Variants in KEAP1 observed in about 807,000 individuals in gnomAD.
KEAP1 encodes kelch like ECH associated protein 1.
Under a neutral mutation model 59.7 loss-of-function variants are expected in KEAP1, and 26 were observed. That is an observed-to-expected ratio of 0.44 (90% CI 0.32 to 0.60). KEAP1 has a LOEUF of 0.60. Among genes scored for constraint, KEAP1 ranks in the 20% least tolerant of loss-of-function variants. The pLI is 0.06. For synonymous variants in KEAP1, 350 were observed against 358.3 expected (o/e 0.98, Z 0.26); for missense variants, 539 against 871.4 (o/e 0.62, Z 4.80).
chr19:10,494,327 C>CTTTTTTT (rs1195911183), intron 2 of KEAP1, among the ~76,000 whole-genome samples: 6 of 110,400 alleles, frequency 5.4e-5, no homozygotes, highest in Admixed American at 9.6e-5. Context: ...CCTGGCTTGG[C>CTTTTTTT]TTTTTTTTTT....
intron 2 of KEAP1, among the ~76,000 whole-genome samples, chr19:10,497,959 G>A (rs575770494): frequency 1.3e-5 from 2 of 152,068 alleles, no homozygotes; most frequent in Admixed American, 1.3e-4. Flanking sequence ...GGAGTGCAAT[G>A]GCGCAATCTC....
In KEAP1 at chr19:10,491,380, T is replaced by C. The variant is rs1914660965; in HGVS notation, c.1325+197A>G. 6.6e-6 allele frequency among the ~76,000 whole-genome samples: 1 copy of C among 152,146 alleles called. No homozygotes were observed. The highest frequency in any genetic ancestry group is 6.6e-5 in the Admixed American group (1 of 15,258). On this transcript the variant is annotated intron_variant, in intron 3 of 5. Transcript: ENST00000171111. This position sits in a 1 kb window ranked among gnomAD's most constrained non-coding sequence, Gnocchi z 5.2. ...ACCATATGGGTTTGTGACAGTCCCC[T>C]AAGCATTTCCCAGCCCCAGGCACAG...
chr19:10,489,547 T>C, intron 4 of KEAP1, 101 bp downstream of exon 4: 2 of 1,380,830 alleles, frequency 1.4e-6, no homozygotes, highest in Non-Finnish European at 2.0e-6. Flanking sequence ...TACCCCAGCA[T>C]GAGGGTTGCA....
At chr19:10,490,217 A>C in intron 3 of KEAP1, 1 of 202,958 alleles carries the variant, frequency 4.9e-6, no homozygotes, top group Non-Finnish European at 9.9e-6. Flanking sequence ...ATGCCACTGC[A>C]CTCCAACCTG....
chr19:10,500,851 T>G (rs1190469556), intron 1 of KEAP1, among the ~76,000 whole-genome samples: 2 of 152,076 alleles, frequency 1.3e-5, no homozygotes, highest in African/African-American at 4.8e-5. Flanking sequence ...GGCTAGTTTT[T>G]GTATTTTTAG....
At chr19:10,489,490 G>C in intron 4 of KEAP1, 122 bp from the exon 5 acceptor site, 1 of 1,265,324 alleles carries the variant, frequency 7.9e-7, no homozygotes, top group African/African-American at 1.5e-5. Flanking sequence ...AATGAAGCGG[G>C]GAGAGAGAGA....
At position 10,491,918 on chromosome 19, in the gene KEAP1, G is replaced by A. The variant is rs1914688152; in HGVS notation, c.984C>T (p.Ile328=). The A allele has an allele frequency of 6.2e-7, 1 of 1,613,610 alleles. No homozygotes were observed. Among genetic ancestry groups the A allele is most frequent in the Non-Finnish European group, 8.5e-7 (1 of 1,179,878 alleles). The change falls in exon 3 of 6, where the codon ATC becomes ATT. Residue 328 remains isoleucine, a synonymous_variant. Transcript: ENST00000171111. The surrounding 1 kb of genome is among the most constrained non-coding windows in gnomAD (Gnocchi z 5.2). ...GTCGGAAGTAGCCGCCCGCGGTGTA[G>A]ATCAGGCGGCCCACCTTGGGCGCCC... ...PCRAPKVGRL[I]YTAGGYFRQS...
chr19:10,496,494 C>CCG lies in KEAP1; in HGVS notation c.639+2900_639+2901insCG, dbSNP rs1555740666. On this transcript the variant is annotated intron_variant, in intron 2 of 5. Coordinates refer to ENST00000171111, the MANE Select transcript of KEAP1 (RefSeq NM_203500.2). ...CTGATGACAGAGTGAGACTCTGTCC[C>CCG]CCACCCCCAAAAAAAAAAAAAAGGG... Among the ~76,000 whole-genome samples the CCG allele has an allele frequency of 5.2e-3, 659 of 127,628 alleles. 11 individuals carry two copies. Among genetic ancestry groups the CCG allele is most frequent in the East Asian group, 0.02 (102 of 5,062 alleles). 83.7% of individuals were successfully genotyped at this position (127,628 alleles called of 152,430 possible). A position where few individuals can be genotyped will look rare whatever the true frequency, so the allele number is the denominator to read the frequency against.
intron 4 of KEAP1, 134 bp downstream of exon 4, chr19:10,489,514 T>C: frequency 8.0e-7 from 1 of 1,252,188 alleles, no homozygotes; most frequent in Non-Finnish European, 1.1e-6. Context: ...TTGGACTCTA[T>C]CAGAATCCAG....
chr19:10,492,056 C>T lies in KEAP1; in HGVS notation c.846G>A (p.Gln282=), dbSNP rs996259514. Reference sequence around the variant, plus strand: ...GGATCTCGCACTTCTGCAGCTGCATCTGCAGGAAGTTCGGCGTCAACGAGT... The same window carrying T: ...GGATCTCGCACTTCTGCAGCTGCATTTGCAGGAAGTTCGGCGTCAACGAGT... ...RCHSLTPNFL[Q]MQLQKCEILQ... Residue 282 remains glutamine (Q), a synonymous_variant, in exon 3 of 6, where the codon CAG becomes CAA. Transcript: ENST00000171111. 1 of 1,614,086 alleles carries T rather than the reference C, an allele frequency of 6.2e-7. No individual in the cohort carries two copies.
intron 2 of KEAP1, among the ~76,000 whole-genome samples, chr19:10,497,000 T>TTG (rs1256778019): frequency 6.6e-6 from 1 of 151,724 alleles, no homozygotes; most frequent in Non-Finnish European, 1.5e-5. Flanking sequence ...GGTAGGCACC[T>TTG]GTAATCCCAG....
chr19:10,491,572 C>T lies in KEAP1; in HGVS notation c.1325+5G>A, dbSNP rs1914668642. On this transcript the variant is annotated splice_donor_5th_base_variant and intron_variant, in intron 3 of 5. Transcript: ENST00000171111. The surrounding 1 kb of genome is among the most constrained non-coding windows in gnomAD (Gnocchi z 5.2). ...CCGAGCCCACCCCCAGGCCCTGCCA[C>T]TCACCTCTCCACACTGTTGTGGTGG... is the stretch of plus-strand genomic sequence containing the variant. The T allele has an allele frequency of 1.3e-6, 2 of 1,510,054 alleles. No homozygotes were observed. Among genetic ancestry groups the T allele is most frequent in the Non-Finnish European group, 1.8e-6 (2 of 1,129,486 alleles). 93.5% of individuals were successfully genotyped at this position (1,510,054 alleles called of 1,614,324 possible).
rs1599493764 is a variant in KEAP1, at chr19:10,502,586, A to G, written c.-48+655T>C. The G allele has an allele frequency of 6.6e-6, 1 of 151,892 alleles. No individual in the cohort carries two copies. Among genetic ancestry groups the G allele is most frequent in the East Asian group, 2.0e-4 (1 of 5,124 alleles). The allele number at this position is 151,892 out of a possible 1,614,324, so 9.4% of individuals were successfully genotyped here. On this transcript the variant is annotated intron_variant, in intron 1 of 5. Coordinates refer to ENST00000171111, the MANE Select transcript of KEAP1 (RefSeq NM_203500.2). This position sits in a 1 kb window ranked among gnomAD's most constrained non-coding sequence, Gnocchi z 4.0. ...CTGGCCCTCCGAGTCCTGGCGGGGA[A>G]CTCGGAGGCGCCCTGGGCCGTGGCG... is the stretch of plus-strand genomic sequence containing the variant.
Position 10,486,810 on chromosome 19 carries a change from C to A in KEAP1, c.1717G>T (p.Asp573Tyr), listed in dbSNP as rs2144578907. 6.2e-7 allele frequency: 1 copy of A among 1,613,098 alleles called. No homozygotes were observed. The highest frequency in any genetic ancestry group is 8.5e-7 in the Non-Finnish European group (1 of 1,179,440). ...QGRIYVLGGY[D>Y]GHTFLDSVEC... ...ACACTGTCCAGGAACGTGTGACCAT[C>A]ATAGCCTCCTGCGGGAAGAACAGAA... The change falls in exon 6 of 6, where the codon GAT (aspartate) becomes TAT (tyrosine). Residue 573 changes from aspartate (D) to tyrosine (Y), a missense_variant. This residue lies in a region of KEAP1 where 311 missense variants were observed against 425.2 expected (regional missense o/e 0.73). Transcript: ENST00000171111.
chr19:10,494,897 G>A (rs1324354929), intron 2 of KEAP1, among the ~76,000 whole-genome samples: 1 of 150,540 alleles, frequency 6.6e-6, no homozygotes, highest in Non-Finnish European at 1.5e-5. Context: ...CTCGTGATCC[G>A]CCTGCCTCAG....
At position 10,489,221 on chromosome 19, in the gene KEAP1, G is replaced by C. The variant is rs371763603; in HGVS notation, c.1679C>G (p.Thr560Ser). 2 of 1,612,184 alleles carry C rather than the reference G, an allele frequency of 1.2e-6. No individual in the cohort carries two copies. Among genetic ancestry groups the C allele is most frequent in the Non-Finnish European group, 1.7e-6 (2 of 1,179,950 alleles). Residue 560 changes from threonine to serine, a missense_variant, in exon 5 of 6, where the codon ACT (threonine) becomes AGT (serine). Physicochemically the swap from Thr to Ser is moderately conservative, Grantham distance 58. Coordinates refer to ENST00000171111, the MANE Select transcript of KEAP1 (RefSeq NM_203500.2). ...GACGTAGATTCTCCCCTGGTGGACA[G>C]TGATCCCCAGGGCACTTCGCCGGTG... ...MKHRRSALGI[T>S]VHQGRIYVLG...
At position 10,491,483 on chromosome 19, in the gene KEAP1, G is replaced by C; in HGVS notation, c.1325+94C>G. On this transcript the variant is annotated intron_variant, in intron 3 of 5. Coordinates refer to ENST00000171111, the MANE Select transcript of KEAP1 (RefSeq NM_203500.2). This position sits in a 1 kb window ranked among gnomAD's most constrained non-coding sequence, Gnocchi z 5.2. Reference sequence around the variant, plus strand: ...CCTCCACTCCCTGAAGACAGGAAGAGGAAACAGCCTCAGGAAGAATACCCG... The same window carrying C: ...CCTCCACTCCCTGAAGACAGGAAGACGAAACAGCCTCAGGAAGAATACCCG... 8.9e-7 allele frequency: 1 copy of C among 1,120,860 alleles called. No individual in the cohort carries two copies. Among genetic ancestry groups the C allele is most frequent in the Non-Finnish European group, 1.2e-6 (1 of 825,788 alleles). 69.4% of individuals were successfully genotyped at this position (1,120,860 alleles called of 1,614,324 possible). A position where few individuals can be genotyped will look rare whatever the true frequency, so the allele number is the denominator to read the frequency against.
chr19:10,499,862 C>A lies in KEAP1; in HGVS notation c.172G>T (p.Asp58Tyr), dbSNP rs769833782. The A allele has an allele frequency of 1.9e-6, 3 of 1,613,772 alleles. No homozygotes were observed. The highest frequency in any genetic ancestry group is 1.7e-6 in the Non-Finnish European group (2 of 1,179,946). ...GNRTFSYTLE[D>Y]HTKQAFGIMN... ...ATGCCAAAGGCCTGCTTGGTATGAT[C>A]CTCCAGGGTGTAGCTGAAGGTGCGG... Residue 58 changes from aspartate (D) to tyrosine (Y), a missense_variant, in exon 2 of 6, where the codon GAT (aspartate) becomes TAT (tyrosine). Asp to Tyr is a radical substitution (Grantham distance 160). Coordinates refer to ENST00000171111, the MANE Select transcript of KEAP1 (RefSeq NM_203500.2). The surrounding 1 kb of genome is among the most constrained non-coding windows in gnomAD (Gnocchi z 6.7).
chr19:10,487,988 C>T (rs922672863), intron 5 of KEAP1, among the ~76,000 whole-genome samples: 1 of 151,906 alleles, frequency 6.6e-6, no homozygotes, highest in African/African-American at 2.4e-5. Context: ...ATTAGCCGGG[C>T]GTGGTGGCGC....
Sources: gnomAD v4.1 joint callset for allele counts (sites outside exome capture counted in the v4.1 genomes callset) on GRCh38, gnomAD v4.1.1 for gene constraint, gnomAD v4.1.1 regional missense constraint, Gnocchi (gnomAD v3.1) non-coding constraint, MANE v1.5 for transcripts, NCBI Gene and HGNC (gene_info 2026-07-23, HGNC 2026-07-21) for gene names.